CABLES1: variants seen among roughly 807,000 people sequenced by gnomAD.
CABLES1 encodes the protein CDK5 and ABL1 enzyme substrate 1.
A neutral mutation model predicts 57.8 loss-of-function variants in CABLES1; 36 were observed. The observed-to-expected ratio is 0.62, with a 90% CI of 0.48 to 0.82. CABLES1 has a LOEUF of 0.82. Among genes scored for constraint, CABLES1 ranks in the 40% least tolerant of loss-of-function variants. The pLI is 0.00. For missense variants in CABLES1, 767 were observed against 836.6 expected (o/e 0.92, Z 1.03); for synonymous variants, 374 against 363.0 (o/e 1.03, Z -0.35).
rs1166162862 is a variant in CABLES1 at position 23,135,938 on chromosome 18, C to A, written c.176C>A (p.Pro59Gln). Residue 59 changes from proline to glutamine, a missense_variant, in exon 1 of 10, where the codon CCG becomes CAG. Pro to Gln is a moderately conservative substitution (Grantham distance 76). This residue lies in a region of CABLES1 where 198 missense variants were observed against 149.7 expected (regional missense o/e 1.32). Transcript: ENST00000256925. ...PEPPRKPRMD[P>Q]RRRQAALSFL... ...CCCCCCCGGAAGCCGCGCATGGACC[C>A]GCGGCGCCGCCAGGCTGCCCTCTCC... 1 of 1,117,968 alleles carries A rather than the reference C, an allele frequency of 8.9e-7. No homozygotes were observed. The highest frequency in any genetic ancestry group is 1.1e-6 in the Non-Finnish European group (1 of 919,092). The allele number at this position is 1,117,968 out of a possible 1,614,324, so 69.3% of individuals were successfully genotyped here. A position where few individuals can be genotyped will look rare whatever the true frequency, so the allele number is the denominator to read the frequency against.
At chr18:23,134,675 G>C (rs142889575), upstream of CABLES1, 329 of 152,300 alleles carry the variant, frequency 2.2e-3, 3 homozygotes, top group African/African-American at 7.5e-3. Flanking sequence ...AAGAGTGTAA[G>C]GTCATTTTAG....
chr18:23,223,507 G>A (rs1598838852), intron 4 of CABLES1, among the ~76,000 whole-genome samples: 1 of 151,572 alleles, frequency 6.6e-6, no homozygotes, highest in Non-Finnish European at 1.5e-5. Context: ...GAGCCCGGGA[G>A]GTGGAGGTTG....
rs560452121 is a variant in CABLES1 at position 23,245,915 on chromosome 18, G to A, written c.1447-7045G>A. On this transcript the variant is annotated intron_variant, in intron 7 of 9. Transcript: ENST00000256925. ...CCATCACACAGCCTGGGCCTGCTGC[G>A]GGCCACAAGGAGCCCTTCATCTGGT... 2.0e-5 allele frequency among the ~76,000 whole-genome samples: 3 copies of A among 152,348 alleles called. No homozygotes were observed. The East Asian group carries it at 5.8e-4, about 29-fold the overall frequency.
In CABLES1 at chr18:23,249,590, G is replaced by A. The variant is rs537990423; in HGVS notation, c.1447-3370G>A. ...TGTGCTCCTGATGAAATTTTTCAGC[G>A]TCTTTTACGTACGTTTTGTTCTCTT... On this transcript the variant is annotated intron_variant, in intron 7 of 9. Coordinates refer to ENST00000256925, the MANE Select transcript of CABLES1 (RefSeq NM_001100619.3). Among the ~76,000 whole-genome samples, 11 of 152,286 alleles carry A rather than the reference G, an allele frequency of 7.2e-5. No individual in the cohort carries two copies. The East Asian group carries it at 1.2e-3, about 16-fold the overall frequency.
intron 7 of CABLES1, among the ~76,000 whole-genome samples, chr18:23,244,060 C>T (rs543629495): frequency 1.3e-4 from 20 of 152,282 alleles, no homozygotes; most frequent in South Asian, 1.0e-3. Context: ...ACAATCACTT[C>T]GTGATTTTGA....
rs927003201 is a variant in CABLES1, at chr18:23,258,999, G to C, written c.*1632G>C. 7 of 124,858 alleles carry C rather than the reference G, an allele frequency of 5.6e-5. No individual in the cohort carries two copies. The highest frequency in any genetic ancestry group is 2.4e-4 in the African/African-American group (7 of 28,666). The allele number at this position is 124,858 out of a possible 1,614,324, so 7.7% of individuals were successfully genotyped here. A position where few individuals can be genotyped will look rare whatever the true frequency, so the allele number is the denominator to read the frequency against. ...GTTGTAAGACAGTGATTTGGGTGGT[G>C]GGGGGAGGGAGGAGGGAGAGGATAT... is the stretch of plus-strand genomic sequence containing the variant. On this transcript the variant is annotated 3_prime_UTR_variant, in exon 10 of 10. Transcript: ENST00000256925.
intron 1 of CABLES1, among the ~76,000 whole-genome samples, chr18:23,170,014 C>T (rs1187706622): frequency 6.6e-6 from 1 of 152,142 alleles, no homozygotes; most frequent in Admixed American, 6.5e-5. Flanking sequence ...AATGCCCTAT[C>T]CCTCTCAGCT....
At chr18:23,210,390 A>T (rs1433591478) in intron 3 of CABLES1, among the ~76,000 whole-genome samples, 2 of 152,210 alleles carry the variant, frequency 1.3e-5, no homozygotes, top group Non-Finnish European at 2.9e-5. Context: ...AGGCAAAGAC[A>T]TGAGGGTGGT....
rs114288055 is a variant in CABLES1, at chr18:23,243,290, C to A, written c.1446+6045C>A. ...CATCACATTAGAAGCACAGTAGCTC[C>A]GCACTTCCCTATTATTGTGGCACTT... On this transcript the variant is annotated intron_variant, in intron 7 of 9. Coordinates refer to ENST00000256925, the MANE Select transcript of CABLES1 (RefSeq NM_001100619.3). Among the ~76,000 whole-genome samples, 1,153 of 151,930 alleles carry A rather than the reference C, an allele frequency of 7.6e-3. 10 individuals are homozygous for A. Among genetic ancestry groups the A allele is most frequent in the African/African-American group, 0.026 (1,097 of 41,496 alleles).
chr18:23,152,771 C>A (rs1208977098), intron 1 of CABLES1, among the ~76,000 whole-genome samples: 1 of 151,820 alleles, frequency 6.6e-6, no homozygotes, highest in Admixed American at 6.6e-5. Flanking sequence ...AGGCTCGAGC[C>A]ACCATGCCAG....
intron 7 of CABLES1, among the ~76,000 whole-genome samples, chr18:23,244,462 T>G (rs538944059): frequency 6.6e-6 from 1 of 152,276 alleles, no homozygotes; most frequent in Non-Finnish European, 1.5e-5. Flanking sequence ...GCTACCCGTT[T>G]ATTTCCATAG....
At chr18:23,188,346 G>A (rs1598819039) in intron 1 of CABLES1, among the ~76,000 whole-genome samples, 1 of 152,136 alleles carries the variant, frequency 6.6e-6, no homozygotes, top group Admixed American at 6.5e-5. Flanking sequence ...TGAAATCATG[G>A]CCATCCAGGG....
At chr18:23,167,909 C>A (rs974692795) in intron 1 of CABLES1, among the ~76,000 whole-genome samples, 1 of 152,222 alleles carries the variant, frequency 6.6e-6, no homozygotes, top group African/African-American at 2.4e-5. Context: ...TCGCGCCCTT[C>A]GGTTCATGCA....
intron 3 of CABLES1, among the ~76,000 whole-genome samples, chr18:23,204,211 G>A (rs1043656768): frequency 5.3e-5 from 8 of 152,202 alleles, no homozygotes; most frequent in African/African-American, 1.9e-4. Flanking sequence ...TGAGAATACT[G>A]GTGTCCAGTT....
intron 1 of CABLES1, among the ~76,000 whole-genome samples, chr18:23,174,596 C>T (rs1235215456): frequency 2.0e-5 from 3 of 151,596 alleles, no homozygotes; most frequent in South Asian, 4.2e-4. Flanking sequence ...CTCAGCCTCC[C>T]GAGTAGCTGG....
intron 1 of CABLES1, among the ~76,000 whole-genome samples, chr18:23,182,475 G>T (rs2145006617): frequency 6.6e-6 from 1 of 152,284 alleles, no homozygotes; most frequent in African/African-American, 2.4e-5. Flanking sequence ...TATTCAATGG[G>T]ACTCAACTGT....
rs150466178 is a variant in CABLES1, at chr18:23,236,339, C to T, written c.1342+288C>T. Among the ~76,000 whole-genome samples, 1,030 of 152,254 alleles carry T rather than the reference C, an allele frequency of 6.8e-3. 12 individuals are homozygous for T. The highest frequency in any genetic ancestry group is 0.024 in the African/African-American group (990 of 41,544). On this transcript the variant is annotated intron_variant, in intron 6 of 9. Coordinates refer to ENST00000256925, the MANE Select transcript of CABLES1 (RefSeq NM_001100619.3). ...GTGTCTCCCAGCTTCCCTGACCACT[C>T]AGCTCCCCCCAACAATGACCTGGTT...
rs997211597 is a variant in CABLES1 at position 23,229,170 on chromosome 18, T to G, written c.1089-5438T>G. On this transcript the variant is annotated intron_variant, in intron 4 of 9. Transcript: ENST00000256925. Reference sequence around the variant, plus strand: ...GCTCACGGCTGCAACCCCAGCACTTTAGGAGGCTGAGGAGGGCGGATCAAC... The same window carrying G: ...GCTCACGGCTGCAACCCCAGCACTTGAGGAGGCTGAGGAGGGCGGATCAAC... Among the ~76,000 whole-genome samples, 4 of 152,322 alleles carry G rather than the reference T, an allele frequency of 2.6e-5. 1 individual carries two copies.
intron 4 of CABLES1, among the ~76,000 whole-genome samples, chr18:23,222,232 C>T (rs2145064909): frequency 6.6e-6 from 1 of 152,278 alleles, no homozygotes; most frequent in African/African-American, 2.4e-5. Flanking sequence ...GCTCTCCTCA[C>T]CTTTGGGGAT....
Sources: gnomAD v4.1 joint callset for allele counts (sites outside exome capture counted in the v4.1 genomes callset) on GRCh38, gnomAD v4.1.1 for gene constraint, gnomAD v4.1.1 regional missense constraint, MANE v1.5 for transcripts, NCBI Gene and HGNC (gene_info 2026-07-23, HGNC 2026-07-21) for gene names.